PAX2: variants seen among roughly 807,000 people sequenced by gnomAD.
The protein encoded by PAX2 is paired box 2.
A neutral mutation model predicts 41.7 loss-of-function variants in PAX2; 9 were observed. The ratio of observed to expected loss-of-function variants is 0.22; its 90% CI spans 0.13 to 0.38. PAX2 has a LOEUF of 0.38. Ranked by LOEUF, PAX2 falls within the 10% of genes least tolerant of loss-of-function variation. The pLI is 1.00. For missense variants in PAX2, 418 were observed against 531.6 expected (o/e 0.79, Z 2.10); for synonymous variants, 221 against 212.7 (o/e 1.04, Z -0.34).
At chr10:100,786,903 C>T (rs753215847) in intron 5 of PAX2, 7 of 1,251,230 alleles carry the variant, frequency 5.6e-6, no homozygotes, top group South Asian at 2.3e-5. Flanking sequence ...GCCTGTCTTT[C>T]GGGATCTCTC....
chr10:100,760,884 A>AC (rs1845814719), intron 3 of PAX2, among the ~76,000 whole-genome samples: 1 of 151,662 alleles, frequency 6.6e-6, no homozygotes, highest in Non-Finnish European at 1.5e-5. Flanking sequence ...CATGTTCCTC[A>AC]CTCCCCGCTG....
In PAX2 at chr10:100,762,209, A is replaced by C. The variant is rs575052792; in HGVS notation, c.410+11318A>C. Among the ~76,000 whole-genome samples, 168 of 152,072 alleles carry C rather than the reference A, an allele frequency of 1.1e-3. 1 individual carries two copies. The highest frequency in any genetic ancestry group is 2.1e-3 in the African/African-American group (88 of 41,482). On this transcript the variant is annotated intron_variant, in intron 3 of 9. Coordinates refer to ENST00000355243, the MANE Select transcript of PAX2 (RefSeq NM_000278.5). ...TGAGGCCCATCTCTATTAAAAAAAA[A>C]AAAACAAAACTAAGTGGCCATCAGG...
chr10:100,747,646 A>G (rs1199123020), intron 1 of PAX2: 4 of 984,008 alleles, frequency 4.1e-6, no homozygotes, highest in Non-Finnish European at 3.6e-6. Context: ...CGCTAATCAT[A>G]TATTTAGCGT....
intron 3 of PAX2, among the ~76,000 whole-genome samples, chr10:100,761,751 C>A (rs963858608): frequency 1.3e-5 from 2 of 152,150 alleles, no homozygotes; most frequent in Admixed American, 1.3e-4. Context: ...GGTCTCCAGG[C>A]CTGTCAGGTC....
In PAX2 at chr10:100,827,470, T is replaced by G. The variant is rs1405480818; in HGVS notation, c.1109-73T>G. 1.1e-5 allele frequency: 16 copies of G among 1,483,782 alleles called. No homozygotes were observed. The highest frequency in any genetic ancestry group is 1.3e-5 in the Non-Finnish European group (14 of 1,061,848). The allele number at this position is 1,483,782 out of a possible 1,614,324, so 91.9% of individuals were successfully genotyped here. A position where few individuals can be genotyped will look rare whatever the true frequency, so the allele number is the denominator to read the frequency against. On this transcript the variant is annotated intron_variant, in intron 9 of 9. Coordinates refer to ENST00000355243, the MANE Select transcript of PAX2 (RefSeq NM_000278.5). The surrounding 1 kb of genome is among the most constrained non-coding windows in gnomAD (Gnocchi z 8.5). ...CCCCAGCCAGGGGAGGTCTTTTCTG[T>G]GCTTTTCTTTCCTTTTTTGTTCTCC...
intron 5 of PAX2, among the ~76,000 whole-genome samples, chr10:100,793,619 G>T (rs1267222527): frequency 6.6e-6 from 1 of 152,174 alleles, no homozygotes; most frequent in African/African-American, 2.4e-5. Flanking sequence ...CGGGGTTCTA[G>T]GTTTCCTCCA....
At chr10:100,754,711 A>C (rs1231684426) in intron 3 of PAX2, among the ~76,000 whole-genome samples, 1 of 152,210 alleles carries the variant, frequency 6.6e-6, no homozygotes, top group East Asian at 1.9e-4. Flanking sequence ...GGAGCTATTA[A>C]TCCTAGCCCC....
intron 5 of PAX2, among the ~76,000 whole-genome samples, chr10:100,798,355 A>G (rs1847412676): frequency 6.6e-6 from 1 of 151,918 alleles, no homozygotes; most frequent in Non-Finnish European, 1.5e-5. Flanking sequence ...AGCTCAAGCA[A>G]TCTGCCCACC....
intron 3 of PAX2, among the ~76,000 whole-genome samples, chr10:100,777,515 T>G (rs1032642338): frequency 6.6e-6 from 1 of 151,768 alleles, no homozygotes; most frequent in Non-Finnish European, 1.5e-5. Flanking sequence ...CTGCCTCAGC[T>G]GCCTGAATAG....
upstream of PAX2, among the ~76,000 whole-genome samples, chr10:100,741,744 T>C (rs1398834514): frequency 6.6e-6 from 1 of 152,248 alleles, no homozygotes; most frequent in Non-Finnish European, 1.5e-5. Flanking sequence ...GCTGCAGCTC[T>C]GTTCTCCCTC....
intron 5 of PAX2, among the ~76,000 whole-genome samples, chr10:100,793,436 G>C (rs1250336079): frequency 6.6e-6 from 1 of 152,122 alleles, no homozygotes; most frequent in Non-Finnish European, 1.5e-5. Flanking sequence ...CTCCTTGTCG[G>C]TACCCACTCT....
chr10:100,800,415 C>A (rs1847519774), intron 5 of PAX2, among the ~76,000 whole-genome samples: 1 of 151,658 alleles, frequency 6.6e-6, no homozygotes. Flanking sequence ...AGTAGCTGAG[C>A]CACAGGTGCA....
chr10:100,743,836 A>G (rs1004505060), upstream of PAX2, among the ~76,000 whole-genome samples: 2 of 152,234 alleles, frequency 1.3e-5, no homozygotes, highest in Non-Finnish European at 2.9e-5. Flanking sequence ...CTCTAGCCCA[A>G]GGGAACCAAC....
intron 5 of PAX2, among the ~76,000 whole-genome samples, chr10:100,804,843 A>G (rs1365711351): frequency 6.6e-6 from 1 of 152,222 alleles, no homozygotes; most frequent in African/African-American, 2.4e-5. Flanking sequence ...CCAGAGCCTT[A>G]TGCAGAAGAA....
In PAX2 at chr10:100,824,552, C is replaced by G. The variant is rs1027345635; in HGVS notation, c.920-96C>G. ...CTGCACGTCTGCACAGAGCTCTTTCCTCTCCAAGAGTTTCCTCTCCGTGCA... is the reference window on the plus strand; with the variant it reads ...CTGCACGTCTGCACAGAGCTCTTTCGTCTCCAAGAGTTTCCTCTCCGTGCA... On this transcript the variant is annotated intron_variant, in intron 7 of 9. Transcript: ENST00000355243. This position sits in a 1 kb window ranked among gnomAD's most constrained non-coding sequence, Gnocchi z 6.6. 2.0e-5 allele frequency: 18 copies of G among 900,838 alleles called. No homozygotes were observed. Among genetic ancestry groups the G allele is most frequent in the Non-Finnish European group, 3.4e-5 (18 of 532,324 alleles). The allele number at this position is 900,838 out of a possible 1,614,324, so 55.8% of individuals were successfully genotyped here. A position where few individuals can be genotyped will look rare whatever the true frequency, so the allele number is the denominator to read the frequency against.
rs533303892 is a variant in PAX2, at chr10:100,758,439, C to T, written c.410+7548C>T. 9.0e-4 allele frequency among the ~76,000 whole-genome samples: 136 copies of T among 151,358 alleles called. 1 individual carries two copies. The highest frequency in any genetic ancestry group is 7.0e-3 in the Middle Eastern group (2 of 284). Reference sequence around the variant, plus strand: ...ACAGGCGTGAGCCACCGCGCCCGGCCGTCAGGTGCCATTCTATTCTAGAAA... The same window carrying T: ...ACAGGCGTGAGCCACCGCGCCCGGCTGTCAGGTGCCATTCTATTCTAGAAA... On this transcript the variant is annotated intron_variant, in intron 3 of 9. Coordinates refer to ENST00000355243, the MANE Select transcript of PAX2 (RefSeq NM_000278.5).
chr10:100,751,736 A>G (rs7921068), intron 3 of PAX2, among the ~76,000 whole-genome samples: 7,865 of 151,984 alleles, frequency 0.052, 566 homozygotes, highest in African/African-American at 0.16. Flanking sequence ...CAGTGTGCCA[A>G]TATGCCTATC....
chr10:100,749,415 T>A, intron 1 of PAX2: 3 of 1,155,452 alleles, frequency 2.6e-6, no homozygotes, highest in Non-Finnish European at 3.2e-6. Flanking sequence ...CTTACGCCCT[T>A]TCCGCTGGCA....
At chr10:100,746,596 C>G (rs1476259911) in intron 1 of PAX2, among the ~76,000 whole-genome samples, 1 of 152,200 alleles carries the variant, frequency 6.6e-6, no homozygotes. Context: ...TCATGGGATC[C>G]ACGGCCTCGG....
Sources: allele counts gnomAD v4.1 joint callset (sites outside exome capture counted in the v4.1 genomes callset), GRCh38; gene constraint gnomAD v4.1.1; non-coding constraint Gnocchi (gnomAD v3.1); transcripts MANE v1.5; gene names NCBI Gene and HGNC (gene_info 2026-07-23, HGNC 2026-07-21).